The following IL15 variants were observed in gnomAD, a reference collection of about 807,000 sequenced individuals.
IL15 encodes the protein interleukin 15.
In IL15, 11 loss-of-function variants were observed where a neutral mutation model predicts 19.6. That is an observed-to-expected ratio of 0.56 (90% CI 0.35 to 0.93). The LOEUF is 0.93. Among genes scored for constraint, IL15 ranks in the 40% least tolerant of loss-of-function variants. The probability of loss-of-function intolerance (pLI) is 0.01; values close to 1 mark genes in which losing one functional copy is unlikely to be tolerated. For missense variants in IL15, 197 were observed against 186.5 expected (o/e 1.06, Z -0.33); for synonymous variants, 58 against 59.6 (o/e 0.97, Z 0.12).
chr4:141,673,882 T>C (rs750063000), intron 2 of IL15, among the ~76,000 whole-genome samples: 24 of 151,238 alleles, frequency 1.6e-4, no homozygotes, highest in Non-Finnish European at 2.7e-4. Context: ...GATCTGCTCT[T>C]TTCATTCAAC....
At chr4:141,682,680 G>T (rs955566599) in intron 2 of IL15, among the ~76,000 whole-genome samples, 1 of 152,100 alleles carries the variant, frequency 6.6e-6, no homozygotes, top group African/African-American at 2.4e-5. Context: ...GTTGGGGAAC[G>T]ATGAGAGACA....
At chr4:141,712,300 T>C (rs1729739158) in intron 2 of IL15, among the ~76,000 whole-genome samples, 1 of 152,144 alleles carries the variant, frequency 6.6e-6, no homozygotes, top group African/African-American at 2.4e-5. Flanking sequence ...ACAGATATCA[T>C]TGATTGTTTC....
At chr4:141,649,769 A>G (rs1727345025) in intron 1 of IL15, among the ~76,000 whole-genome samples, 1 of 152,106 alleles carries the variant, frequency 6.6e-6, no homozygotes, top group Admixed American at 6.6e-5. Flanking sequence ...GGTTTATTTG[A>G]GGATTGTCTG....
At chr4:141,669,506 G>A (rs896597600) in intron 2 of IL15, among the ~76,000 whole-genome samples, 9 of 152,222 alleles carry the variant, frequency 5.9e-5, no homozygotes, top group Non-Finnish European at 1.2e-4. Context: ...TCAGGGATCA[G>A]AGAGAGGTGT....
Position 141,733,158 on chromosome 4 carries a change from G to A in IL15, c.*310G>A, listed in dbSNP as rs1375362756. 1 of 221,464 alleles carries A rather than the reference G, an allele frequency of 4.5e-6. No individual in the cohort carries two copies. The highest frequency in any genetic ancestry group is 8.6e-6 in the Non-Finnish European group (1 of 116,534). The allele number at this position is 221,464 out of a possible 1,614,324, so 13.7% of individuals were successfully genotyped here. ...ATGTACAAGTGTTGTTTTTTAAGTT[G>A]CACTGATATTTTACCTCTTATTGCA... On this transcript the variant is annotated 3_prime_UTR_variant, in exon 8 of 8. Transcript: ENST00000320650.
At chr4:141,664,681 T>A (rs1048346692) in intron 2 of IL15, among the ~76,000 whole-genome samples, 3 of 152,188 alleles carry the variant, frequency 2.0e-5, no homozygotes, top group African/African-American at 7.2e-5. Flanking sequence ...TATAAGTATA[T>A]ATTTCTAAAT....
chr4:141,664,631 A>G (rs1188830423), intron 2 of IL15, among the ~76,000 whole-genome samples: 1 of 152,188 alleles, frequency 6.6e-6, no homozygotes, highest in East Asian at 1.9e-4. Context: ...CCCACATAAG[A>G]CACCAGTTGT....
intron 2 of IL15, among the ~76,000 whole-genome samples, chr4:141,659,902 T>C (rs886277962): frequency 2.6e-5 from 4 of 152,222 alleles, no homozygotes; most frequent in Non-Finnish European, 5.9e-5. Flanking sequence ...GCTTCCTTTG[T>C]TGGGATACTT....
At chr4:141,715,187 T>A (rs1245008481) in intron 2 of IL15, 1 of 152,186 alleles carries the variant, frequency 6.6e-6, no homozygotes, top group Non-Finnish European at 1.5e-5. Context: ...TAAAAAATGA[T>A]TCCAGACTCT....
At position 141,707,716 on chromosome 4, in the gene IL15, G is replaced by A. The variant is rs116044480; in HGVS notation, c.-99-11650G>A. Among the ~76,000 whole-genome samples, 294 of 152,300 alleles carry A rather than the reference G, an allele frequency of 1.9e-3. 2 individuals are homozygous for A. Among genetic ancestry groups the A allele is most frequent in the African/African-American group, 6.4e-3 (267 of 41,578 alleles). On this transcript the variant is annotated intron_variant, in intron 2 of 7. Coordinates refer to ENST00000320650, the MANE Select transcript of IL15 (RefSeq NM_000585.5). ...GGTCTACGCTGTGAGAGCTTTTGAG[G>A]TAGTGGCATAGTTTTCTTGGGGTGG...
At position 141,690,403 on chromosome 4, in the gene IL15, C is replaced by G. The variant is rs185382115; in HGVS notation, c.-99-28963C>G. 1.4e-3 allele frequency among the ~76,000 whole-genome samples: 219 copies of G among 152,300 alleles called. 1 individual carries two copies. The highest frequency in any genetic ancestry group is 5.1e-3 in the African/African-American group (210 of 41,578). Reference sequence around the variant, plus strand: ...AGCGAGCGAGGGCTGTGAGGACTGACAGCAGGCTGTCACCTCTCACCACTA... The same window carrying G: ...AGCGAGCGAGGGCTGTGAGGACTGAGAGCAGGCTGTCACCTCTCACCACTA... On this transcript the variant is annotated intron_variant, in intron 2 of 7. Transcript: ENST00000320650.
chr4:141,676,725 T>C (rs1728362327), intron 2 of IL15, among the ~76,000 whole-genome samples: 1 of 151,476 alleles, frequency 6.6e-6, no homozygotes, highest in African/African-American at 2.4e-5. Context: ...TCACAGGATT[T>C]ATGACAGAGC....
intron 1 of IL15, among the ~76,000 whole-genome samples, chr4:141,648,619 T>A (rs949469878): frequency 2.6e-5 from 4 of 151,984 alleles, no homozygotes; most frequent in Admixed American, 6.6e-5. Context: ...GTTAAAAAAA[T>A]TTGCAGTTAC....
At chr4:141,652,305 C>A (rs970640024) in intron 1 of IL15, among the ~76,000 whole-genome samples, 1 of 152,032 alleles carries the variant, frequency 6.6e-6, no homozygotes, top group Non-Finnish European at 1.5e-5. Context: ...ATTTGTACAG[C>A]CCAAGTGGAG....
rs1727476914 is a variant in IL15 at position 141,653,372 on chromosome 4, G to A, written c.-221-2814G>A. On this transcript the variant is annotated intron_variant, in intron 1 of 7. Coordinates refer to ENST00000320650, the MANE Select transcript of IL15 (RefSeq NM_000585.5). ...AATCTGTGCTACATAATATTTTGTG[G>A]TATTTTGATTTTAATTTTATGAGTG... Among the ~76,000 whole-genome samples, 3 of 152,164 alleles carry A rather than the reference G, an allele frequency of 2.0e-5. No individual in the cohort carries two copies. The South Asian group carries it at 6.2e-4, about 32-fold the overall frequency.
intron 6 of IL15, among the ~76,000 whole-genome samples, chr4:141,728,852 C>T (rs1730355707): frequency 6.6e-6 from 1 of 152,086 alleles, no homozygotes; most frequent in Non-Finnish European, 1.5e-5. Flanking sequence ...GGAAAGTAGT[C>T]AATTAGCCAC....
intron 2 of IL15, among the ~76,000 whole-genome samples, chr4:141,698,300 T>C (rs1052283061): frequency 1.3e-5 from 2 of 152,086 alleles, no homozygotes; most frequent in Admixed American, 1.3e-4. Context: ...GTGGTTTTCT[T>C]TTTTTGTTTT....
At chr4:141,729,013 T>C (rs1644713181) in intron 6 of IL15, among the ~76,000 whole-genome samples, 3 of 152,286 alleles carry the variant, frequency 2.0e-5, no homozygotes, top group East Asian at 1.9e-4. Flanking sequence ...ACCTTGGAGA[T>C]TGCTAAACAT....
At chr4:141,665,303 G>A (rs1727932982) in intron 2 of IL15, among the ~76,000 whole-genome samples, 1 of 152,006 alleles carries the variant, frequency 6.6e-6, no homozygotes, top group Non-Finnish European at 1.5e-5. Flanking sequence ...TCAATTTTAA[G>A]GAAATTGATT....
Sources: allele counts gnomAD v4.1 joint callset (sites outside exome capture counted in the v4.1 genomes callset), GRCh38; gene constraint gnomAD v4.1.1; transcripts MANE v1.5; gene names NCBI Gene and HGNC (gene_info 2026-07-23, HGNC 2026-07-21).